Variants in PCDHA13 observed in about 807,000 individuals in gnomAD.
PCDHA13 encodes protocadherin alpha 13.
A neutral mutation model predicts 64.8 loss-of-function variants in PCDHA13; 54 were observed. That is an observed-to-expected ratio of 0.83 (90% CI 0.67 to 1.04). The LOEUF (loss-of-function observed/expected upper bound fraction) is 1.04. PCDHA13 is among the 50% of genes least tolerant of loss of function. The pLI is 0.00. For missense variants in PCDHA13, 1,248 were observed against 1,254.3 expected (o/e 0.99, Z 0.08); for synonymous variants, 587 against 564.4 (o/e 1.04, Z -0.57).
rs1299292999 is a variant in PCDHA13, at chr5:140,940,635, T to G, written c.2395-38314T>G. Among the ~76,000 whole-genome samples the G allele has an allele frequency of 5.3e-5, 8 of 152,214 alleles. 1 individual carries two copies. The highest frequency in any genetic ancestry group is 5.2e-4 in the Admixed American group (8 of 15,286). On this transcript the variant is annotated intron_variant, in intron 1 of 3. Coordinates refer to ENST00000289272, the MANE Select transcript of PCDHA13 (RefSeq NM_018904.3). ...GCTCCTGCAAATATTCTTAAGCTTG[T>G]CATTTATTTATTTAAATATATTAAA...
chr5:140,958,546 C>A (rs1366018855), intron 1 of PCDHA13, among the ~76,000 whole-genome samples: 3 of 152,034 alleles, frequency 2.0e-5, no homozygotes, highest in Non-Finnish European at 4.4e-5. Context: ...ATTTATGAAC[C>A]AATAAATGTT....
In PCDHA13 at chr5:140,882,989, G is replaced by C. The variant is rs567590369; in HGVS notation, c.721G>C (p.Glu241Gln). 2 of 1,614,130 alleles carry C rather than the reference G, an allele frequency of 1.2e-6. No individual in the cohort carries two copies. Among genetic ancestry groups the C allele is most frequent in the Non-Finnish European group, 8.5e-7 (1 of 1,180,030 alleles). ...TILDVNDNAP[E>Q]FYQSVYKVTV... is the part of the protein sequence containing the mutation. ...TCTGGACGTGAATGACAACGCCCCG[G>C]AATTTTACCAATCCGTTTATAAAGT... Residue 241 changes from glutamate to glutamine, a missense_variant, in exon 1 of 4, where the codon GAA becomes CAA. Transcript: ENST00000289272.
intron 1 of PCDHA13, among the ~76,000 whole-genome samples, chr5:140,938,921 T>C (rs2092266107): frequency 6.6e-6 from 1 of 151,840 alleles, no homozygotes; most frequent in Non-Finnish European, 1.5e-5. Context: ...GCACAAGAAA[T>C]TGGCTTTTAA....
intron 1 of PCDHA13, among the ~76,000 whole-genome samples, chr5:140,943,500 G>T (rs907493905): frequency 6.6e-6 from 1 of 152,048 alleles, no homozygotes; most frequent in Non-Finnish European, 1.5e-5. Flanking sequence ...TGCTATCAAG[G>T]TTCATGGAAA....
chr5:140,903,301 A>G (rs575233990), intron 1 of PCDHA13, among the ~76,000 whole-genome samples: 1 of 152,302 alleles, frequency 6.6e-6, no homozygotes, highest in East Asian at 1.9e-4. Context: ...GAAATTTAGT[A>G]TACAATAAAG....
chr5:140,922,101 G>A (rs531054386), intron 1 of PCDHA13, among the ~76,000 whole-genome samples: 1 of 152,086 alleles, frequency 6.6e-6, no homozygotes, highest in Admixed American at 6.5e-5. Context: ...ACCAACTATA[G>A]ATAAATGAAA....
At position 141,010,004 on chromosome 5, in the gene PCDHA13, A is replaced by T; in HGVS notation, c.*67A>T. 1 of 1,573,418 alleles carries T rather than the reference A, an allele frequency of 6.4e-7. No individual in the cohort carries two copies. The highest frequency in any genetic ancestry group is 8.6e-7 in the Non-Finnish European group (1 of 1,163,824). ...TAATGGCAAATCTCTCCCATGTAGC[A>T]ATTCCCTGCTCCTTTTTCCTATCTA... On this transcript the variant is annotated 3_prime_UTR_variant, in exon 4 of 4. Transcript: ENST00000289272.
intron 3 of PCDHA13, among the ~76,000 whole-genome samples, chr5:141,005,799 T>A (rs1207641244): frequency 7.5e-6 from 1 of 133,220 alleles, no homozygotes; most frequent in African/African-American, 2.8e-5. Context: ...CAAAAACAAC[T>A]CCAAGGAGCC....
intron 1 of PCDHA13, among the ~76,000 whole-genome samples, chr5:140,953,085 A>G (rs1197965470): frequency 2.0e-5 from 3 of 152,246 alleles, no homozygotes; most frequent in African/African-American, 4.8e-5. Flanking sequence ...ATTGGGGATT[A>G]CAATTTGACA....
intron 1 of PCDHA13, among the ~76,000 whole-genome samples, chr5:140,906,473 A>G (rs2072671241): frequency 6.6e-6 from 1 of 152,214 alleles, no homozygotes. Flanking sequence ...TCTTAGTACA[A>G]ATGTATAAAT....
At chr5:140,980,553 C>G (rs1554241953) in intron 2 of PCDHA13, among the ~76,000 whole-genome samples, 1 of 152,062 alleles carries the variant, frequency 6.6e-6, no homozygotes, top group Admixed American at 6.6e-5. Context: ...TCGCTTGAAC[C>G]CGGGAGGCGG....
chr5:140,927,294 C>T (rs781944508), intron 1 of PCDHA13: 10 of 1,614,062 alleles, frequency 6.2e-6, no homozygotes, highest in South Asian at 3.3e-5. Context: ...TGCACATCCC[C>T]GAGTTCCTGA....
intron 1 of PCDHA13, among the ~76,000 whole-genome samples, chr5:140,976,116 A>G (rs781948908): frequency 1.2e-4 from 18 of 152,224 alleles, no homozygotes; most frequent in Non-Finnish European, 2.6e-4. Flanking sequence ...AATTTTTCCA[A>G]GTTTAATCAA....
At position 141,009,762 on chromosome 5, in the gene PCDHA13, C is replaced by G. The variant is rs2154001658; in HGVS notation, c.2678C>G (p.Ser893Cys). Reference sequence around the variant, plus strand: ...CCCGACAAATTCATTATCCCAGGATCTCCTGCAATCATCTCCATCCGGCAG... The same window carrying G: ...CCCGACAAATTCATTATCCCAGGATGTCCTGCAATCATCTCCATCCGGCAG... Reference protein sequence around the residue: ...ELPDKFIIPGSPAIISIRQEP... With the variant: ...ELPDKFIIPGCPAIISIRQEP... The change falls in exon 4 of 4, where the codon TCT becomes TGT. Residue 893 changes from serine (S) to cysteine (C), a missense_variant. Coordinates refer to ENST00000289272, the MANE Select transcript of PCDHA13 (RefSeq NM_018904.3). 5 of 1,614,180 alleles carry G rather than the reference C, an allele frequency of 3.1e-6. No homozygotes were observed. In the East Asian group the frequency reaches 1.1e-4, roughly 36 times the overall value.
chr5:141,005,417 T>G (rs1323051159), intron 3 of PCDHA13, among the ~76,000 whole-genome samples: 2 of 152,062 alleles, frequency 1.3e-5, no homozygotes, highest in African/African-American at 4.8e-5. Context: ...TGAGGAGTCA[T>G]GCTAAGAATG....
intron 1 of PCDHA13, among the ~76,000 whole-genome samples, chr5:140,920,357 A>G (rs782419559): frequency 5.3e-5 from 8 of 151,994 alleles, no homozygotes; most frequent in Non-Finnish European, 8.8e-5. Context: ...TGCTAGTTCT[A>G]TTCATTTATT....
chr5:141,001,910 C>T (rs1365182561), intron 3 of PCDHA13, among the ~76,000 whole-genome samples: 1 of 152,196 alleles, frequency 6.6e-6, no homozygotes, highest in Non-Finnish European at 1.5e-5. Flanking sequence ...TTGAAAAAGA[C>T]TGCAGTGGCT....
At chr5:140,923,116 T>C (rs1418111802) in intron 1 of PCDHA13, among the ~76,000 whole-genome samples, 1 of 152,216 alleles carries the variant, frequency 6.6e-6, no homozygotes, top group African/African-American at 2.4e-5. Flanking sequence ...TTTAAGTTTT[T>C]AGGGTCACAC....
chr5:140,927,587 T>C (rs1411741184), intron 1 of PCDHA13: 1 of 1,614,044 alleles, frequency 6.2e-7, no homozygotes, highest in African/African-American at 1.3e-5. Flanking sequence ...AACGCGCCTG[T>C]ATTTGAGCGC....
Sources: gnomAD v4.1 joint callset for allele counts (sites outside exome capture counted in the v4.1 genomes callset) on GRCh38, gnomAD v4.1.1 for gene constraint, MANE v1.5 for transcripts, NCBI Gene and HGNC (gene_info 2026-07-23, HGNC 2026-07-21) for gene names.